FAM149A: variants seen among roughly 807,000 people sequenced by gnomAD.
FAM149A encodes the protein protein FAM149A.
Under a neutral mutation model 78.2 loss-of-function variants are expected in FAM149A, and 71 were observed. The ratio of observed to expected loss-of-function variants is 0.91; its 90% confidence interval spans 0.75 to 1.11. FAM149A has a LOEUF of 1.11. Ranked by LOEUF, FAM149A falls within the 50% of genes least tolerant of loss-of-function variation. FAM149A has a pLI of 0.00. For missense variants in FAM149A, 1,036 were observed against 971.0 expected (o/e 1.07, Z -0.89); for synonymous variants, 446 against 410.5 (o/e 1.09, Z -1.04).
intron 9 of FAM149A, 137 bp from the exon 10 acceptor site, chr4:186,163,287 T>C: frequency 1.5e-6 from 1 of 660,570 alleles, no homozygotes; most frequent in East Asian, 2.7e-5. Flanking sequence ...ATGGGTCTTT[T>C]CATTCATTCA....
At chr4:186,107,256 T>A (rs974272371) in intron 1 of FAM149A, among the ~76,000 whole-genome samples, 5 of 152,222 alleles carry the variant, frequency 3.3e-5, no homozygotes, top group Non-Finnish European at 4.4e-5. Context: ...GTGAAACTGG[T>A]GTTAGTTTCA....
chr4:186,132,142 T>C (rs1476337308), intron 1 of FAM149A: 1 of 985,314 alleles, frequency 1.0e-6, no homozygotes, highest in African/African-American at 1.7e-5. Flanking sequence ...CAAATTACCT[T>C]GGTACGAGAT....
intron 1 of FAM149A, chr4:186,133,118 G>A: frequency 1.0e-6 from 1 of 985,410 alleles, no homozygotes; most frequent in Non-Finnish European, 1.2e-6. Context: ...TTAGACAGGA[G>A]TCATGTATTG....
In FAM149A at chr4:186,154,475, A is replaced by C; in HGVS notation, c.1066A>C (p.Ile356Leu). Residue 356 changes from isoleucine (I) to leucine (L), a missense_variant, in exon 6 of 14, where the codon ATT (isoleucine) becomes CTT (leucine). Ile to Leu is a conservative substitution (Grantham distance 5). Transcript: ENST00000389354. ...TCTGTTTTTTTCCCATAGGTTGTGCATTTCTGGCTCTCAAATAGTCCCAGC... is the reference window on the plus strand; with the variant it reads ...TCTGTTTTTTTCCCATAGGTTGTGCCTTTCTGGCTCTCAAATAGTCCCAGC... 1 of 1,608,748 alleles carries C rather than the reference A, an allele frequency of 6.2e-7. No homozygotes were observed. The highest frequency in any genetic ancestry group is 8.5e-7 in the Non-Finnish European group (1 of 1,177,278).
At chr4:186,132,911 C>T in intron 1 of FAM149A, 1 of 946,570 alleles carries the variant, frequency 1.1e-6, no homozygotes, top group Non-Finnish European at 1.3e-6. Flanking sequence ...TCCCTAAATT[C>T]ATGTTCATGT....
intron 7 of FAM149A, among the ~76,000 whole-genome samples, chr4:186,156,921 A>ATCGTGCCGCT (rs1734077787): frequency 6.6e-6 from 1 of 151,824 alleles, no homozygotes; most frequent in African/African-American, 2.4e-5. Context: ...ATTGAAAGTG[A>ATCGTGCCGCT]GCACTCCATC....
intron 1 of FAM149A, among the ~76,000 whole-genome samples, chr4:186,133,453 A>T (rs1361066563): frequency 6.6e-6 from 1 of 152,224 alleles, no homozygotes; most frequent in Non-Finnish European, 1.5e-5. Flanking sequence ...GTGGAATCAT[A>T]CAATATTTGG....
Position 186,164,388 on chromosome 4 carries a change from A to T in FAM149A, c.1889+755A>T. ...ACACCCACAAGTGCTCTCAGGCTTT[A>T]GAGACCACCCACTGGACCCCCGGCC... On this transcript the variant is annotated intron_variant, in intron 10 of 13. Transcript: ENST00000389354. The surrounding 1 kb of genome is among the most constrained non-coding windows in gnomAD (Gnocchi z 4.0). 4 of 852,112 alleles carry T rather than the reference A, an allele frequency of 4.7e-6. No individual in the cohort carries two copies. Among genetic ancestry groups the T allele is most frequent in the Non-Finnish European group, 5.6e-6 (4 of 708,346 alleles). The allele number at this position is 852,112 out of a possible 1,614,324, so 52.8% of individuals were successfully genotyped here.
Position 186,157,665 on chromosome 4 carries a change from C to A in FAM149A, c.1521C>A (p.Ser507=), listed in dbSNP as rs2276923. The change falls in exon 8 of 14, where the codon TCC becomes TCA. Residue 507 remains serine, a synonymous_variant. Transcript: ENST00000389354. Reference sequence around the variant, plus strand: ...CCGATGGAGCCAGTGGCCCCCCGTCCGGACACGCCGAGGCTCACGGCATCT... The same window carrying A: ...CCGATGGAGCCAGTGGCCCCCCGTCAGGACACGCCGAGGCTCACGGCATCT... 1 of 1,613,962 alleles carries A rather than the reference C, an allele frequency of 6.2e-7. No individual in the cohort carries two copies. The highest frequency in any genetic ancestry group is 8.5e-7 in the Non-Finnish European group (1 of 1,179,926).
intron 1 of FAM149A, chr4:186,109,762 C>G: frequency 1.0e-6 from 1 of 981,852 alleles, no homozygotes; most frequent in Non-Finnish European, 1.2e-6. Flanking sequence ...GAAGAAAAAA[C>G]AGAGAAAAAT....
At chr4:186,130,314 T>TATATATATATAAAA (rs141900902) in intron 1 of FAM149A, among the ~76,000 whole-genome samples, 1 of 116,456 alleles carries the variant, frequency 8.6e-6, no homozygotes, top group Non-Finnish European at 1.7e-5. Context: ...TATATATATA[T>TATATATATATAAAA]AATCTATATC....
chr4:186,144,657 TG>T lies in FAM149A; in HGVS notation c.567-4514del. 1 of 271,020 alleles carries T rather than the reference TG, an allele frequency of 3.7e-6. No individual in the cohort carries two copies. The highest frequency in any genetic ancestry group is 5.7e-6 in the Non-Finnish European group (1 of 176,716). The allele number at this position is 271,020 out of a possible 1,614,324, so 16.8% of individuals were successfully genotyped here. A position where few individuals can be genotyped will look rare whatever the true frequency, so the allele number is the denominator to read the frequency against. Reference sequence around the variant, plus strand: ...GGAGGCCGGGCCGTGCGCGGAGGAGTGGCCGCTGGGTTGGAAACCCGGCCCG... The same window carrying T: ...GGAGGCCGGGCCGTGCGCGGAGGAGTGCCGCTGGGTTGGAAACCCGGCCCG... On this transcript the variant is annotated intron_variant, in intron 1 of 13. Coordinates refer to ENST00000389354, the MANE Select transcript of FAM149A (RefSeq NM_001367768.3). The surrounding 1 kb of genome is among the most constrained non-coding windows in gnomAD (Gnocchi z 4.2).
At chr4:186,142,425 G>T (rs1418592353) in intron 1 of FAM149A, among the ~76,000 whole-genome samples, 2 of 152,248 alleles carry the variant, frequency 1.3e-5, no homozygotes, top group African/African-American at 4.8e-5. Context: ...TCGTGCATGT[G>T]TAAATGACCT....
At chr4:186,117,832 A>G (rs1206759446) in intron 1 of FAM149A, 5 of 895,486 alleles carry the variant, frequency 5.6e-6, no homozygotes, top group Non-Finnish European at 6.7e-6. Context: ...GAGCCTAGGA[A>G]TGAACACAGT....
chr4:186,148,301 C>T (rs943605424), intron 1 of FAM149A, among the ~76,000 whole-genome samples: 1 of 152,120 alleles, frequency 6.6e-6, no homozygotes, highest in African/African-American at 2.4e-5. Flanking sequence ...GCCTTATAAT[C>T]GAAAGCAAAA....
intron 13 of FAM149A, among the ~76,000 whole-genome samples, chr4:186,170,202 TC>T (rs1353465581): frequency 1.3e-5 from 2 of 152,172 alleles, no homozygotes; most frequent in Non-Finnish European, 2.9e-5. Context: ...GCCTGTGCAA[TC>T]CGGAGGAGGC....
chr4:186,126,192 G>T, intron 1 of FAM149A: 3 of 698,956 alleles, frequency 4.3e-6, no homozygotes, highest in Non-Finnish European at 5.3e-6. Flanking sequence ...TAAGCCTCGC[G>T]CCTTGTTACC....
chr4:186,156,222 A>G, intron 7 of FAM149A, 32 bp downstream of exon 7: 2 of 1,584,996 alleles, frequency 1.3e-6, no homozygotes, highest in Non-Finnish European at 1.7e-6. Flanking sequence ...CTTAATGAAA[A>G]GAAAAAGTCC....
At chr4:186,130,281 C>CTT (rs1554068063) in intron 1 of FAM149A, 1 of 39,416 alleles carries the variant, frequency 2.5e-5, no homozygotes, top group Non-Finnish European at 4.4e-5. Flanking sequence ...CTCTCTCTCT[C>CTT]TCTCTCTCTC....
Sources: allele counts gnomAD v4.1 joint callset (sites outside exome capture counted in the v4.1 genomes callset), GRCh38; gene constraint gnomAD v4.1.1; non-coding constraint Gnocchi (gnomAD v3.1); transcripts MANE v1.5; gene names NCBI Gene and HGNC (gene_info 2026-07-23, HGNC 2026-07-21).